The following RGL1 variants were observed in gnomAD, a reference collection of about 807,000 sequenced individuals.
RGL1 encodes ral guanine nucleotide dissociation stimulator like 1.
RGL1 carries 24 observed loss-of-function variants against 95.2 expected under a neutral mutation model. The observed-to-expected ratio is 0.25, with a 90% confidence interval of 0.18 to 0.35. RGL1 has a LOEUF of 0.35. RGL1 is among the 10% of genes least tolerant of loss of function. RGL1 has a pLI of 1.00. For missense variants in RGL1, 715 were observed against 936.3 expected (o/e 0.76, Z 3.08); for synonymous variants, 329 against 344.9 (o/e 0.95, Z 0.51).
chr1:183,837,068 A>G (rs1343184990), intron 2 of RGL1, among the ~76,000 whole-genome samples: 1 of 152,176 alleles, frequency 6.6e-6, no homozygotes, highest in African/African-American at 2.4e-5. Flanking sequence ...GTAAGAATCA[A>G]AAATTAATGA....
At chr1:183,820,659 A>G (rs970124349) in intron 2 of RGL1, among the ~76,000 whole-genome samples, 1 of 152,206 alleles carries the variant, frequency 6.6e-6, no homozygotes, top group Non-Finnish European at 1.5e-5. Flanking sequence ...ATATGTGCCT[A>G]TTGAGCACTT....
At chr1:183,711,494 C>A (rs1028188349) in intron 1 of RGL1, among the ~76,000 whole-genome samples, 1 of 152,118 alleles carries the variant, frequency 6.6e-6, no homozygotes, top group Non-Finnish European at 1.5e-5. Flanking sequence ...GAGAAGCACT[C>A]TAGAGAGGAG....
At chr1:183,693,178 T>C (rs1654061905) in intron 1 of RGL1, among the ~76,000 whole-genome samples, 4 of 152,058 alleles carry the variant, frequency 2.6e-5, no homozygotes, top group African/African-American at 7.2e-5. Flanking sequence ...ATGGTCTCAG[T>C]CTCCTGACCT....
chr1:183,899,232 A>C (rs995778299), intron 10 of RGL1, among the ~76,000 whole-genome samples: 2 of 152,222 alleles, frequency 1.3e-5, no homozygotes, highest in African/African-American at 4.8e-5. Context: ...ACACTGGCAT[A>C]ATACTATTAA....
At chr1:183,664,805 T>C (rs1263217171) in intron 1 of RGL1, among the ~76,000 whole-genome samples, 5 of 152,194 alleles carry the variant, frequency 3.3e-5, no homozygotes, top group Non-Finnish European at 7.4e-5. Context: ...TTTTGGATTG[T>C]CTACATAGAT....
intron 2 of RGL1, among the ~76,000 whole-genome samples, chr1:183,775,043 C>T (rs1659518543): frequency 6.6e-6 from 1 of 152,140 alleles, no homozygotes. Flanking sequence ...TACATTATTA[C>T]ATTTTTTCCT....
intron 4 of RGL1, among the ~76,000 whole-genome samples, chr1:183,875,800 A>G (rs1309772800): frequency 6.8e-6 from 1 of 147,190 alleles, no homozygotes; most frequent in Non-Finnish European, 1.5e-5. Flanking sequence ...AATCGCTTGA[A>G]CCTGGGAGGC....
At chr1:183,760,908 CTT>C (rs1357073567) in intron 2 of RGL1, among the ~76,000 whole-genome samples, 2 of 152,214 alleles carry the variant, frequency 1.3e-5, no homozygotes, top group Non-Finnish European at 2.9e-5. Context: ...AAACCACAGT[CTT>C]TGCTTATCTA....
intron 1 of RGL1, among the ~76,000 whole-genome samples, chr1:183,740,479 T>C (rs1053858726): frequency 6.6e-6 from 1 of 152,238 alleles, no homozygotes; most frequent in East Asian, 1.9e-4. Flanking sequence ...TTAAATCCGC[T>C]GACCCGTCAC....
In RGL1 at chr1:183,708,846, G is replaced by A. The variant is rs529387626; in HGVS notation, c.-32-33280G>A. On this transcript the variant is annotated intron_variant, in intron 1 of 18. Coordinates refer to the RGL1 transcript ENST00000304685. Reference sequence around the variant, plus strand: ...CTTTGTCCGGTTGCTGTGGACTACCGTCCAGGGTGGAAGGACACAAGGGAC... The same window carrying A: ...CTTTGTCCGGTTGCTGTGGACTACCATCCAGGGTGGAAGGACACAAGGGAC... Among the ~76,000 whole-genome samples the A allele has an allele frequency of 4.6e-5, 7 of 152,348 alleles. No individual in the cohort carries two copies. The East Asian group carries it at 5.8e-4, about 13-fold the overall frequency.
At chr1:183,710,154 G>A in intron 1 of RGL1, 1 of 211,422 alleles carries the variant, frequency 4.7e-6, no homozygotes, top group Non-Finnish European at 9.8e-6. Context: ...CTGGCTTGTT[G>A]CTCACGCTTC....
intron 3 of RGL1, among the ~76,000 whole-genome samples, chr1:183,852,727 C>T (rs1200708021): frequency 3.3e-5 from 5 of 152,080 alleles, no homozygotes; most frequent in African/African-American, 9.7e-5. Context: ...GCGGGAGAAT[C>T]GCTTGAACCT....
intron 1 of RGL1, among the ~76,000 whole-genome samples, chr1:183,685,219 T>C (rs1045465583): frequency 3.9e-5 from 6 of 152,198 alleles, no homozygotes; most frequent in African/African-American, 1.4e-4. Context: ...ATTTTGCTAA[T>C]AACAAAGATT....
At chr1:183,692,601 A>C (rs61811219) in intron 1 of RGL1, among the ~76,000 whole-genome samples, 1 of 152,236 alleles carries the variant, frequency 6.6e-6, no homozygotes, top group Non-Finnish European at 1.5e-5. Flanking sequence ...GCTTATTAAC[A>C]TAAATTTACT....
intron 2 of RGL1, among the ~76,000 whole-genome samples, chr1:183,818,039 A>G (rs1558225610): frequency 2.0e-5 from 3 of 152,194 alleles, no homozygotes; most frequent in South Asian, 2.1e-4. Context: ...TTCCTATCCA[A>G]TGTTGATCTA....
At chr1:183,878,923 T>C (rs1666671141) in intron 4 of RGL1, among the ~76,000 whole-genome samples, 1 of 152,238 alleles carries the variant, frequency 6.6e-6, no homozygotes, top group South Asian at 2.1e-4. Context: ...TAAGCAAGTA[T>C]AGTGGTGTTA....
chr1:183,880,276 G>T (rs779581904), intron 4 of RGL1, among the ~76,000 whole-genome samples: 23 of 152,168 alleles, frequency 1.5e-4, no homozygotes, highest in Non-Finnish European at 2.4e-4. Context: ...ATTGTGTACA[G>T]ATTGCTTTGA....
chr1:183,740,595 C>G lies in RGL1; in HGVS notation c.-32-1531C>G, dbSNP rs1286373368. On this transcript the variant is annotated intron_variant, in intron 1 of 18. Transcript: ENST00000304685. The stretch of plus-strand genomic sequence containing the variant: ...CAGACGTGATTCCTTGAAGACATTT[C>G]CATGAAAACCAGCCTGTTGTTAACG... 3.9e-5 allele frequency among the ~76,000 whole-genome samples: 6 copies of G among 152,176 alleles called. No individual in the cohort carries two copies. The South Asian group carries it at 6.2e-4, about 16-fold the overall frequency.
At chr1:183,669,223 C>T (rs1652271662) in intron 1 of RGL1, among the ~76,000 whole-genome samples, 1 of 152,084 alleles carries the variant, frequency 6.6e-6, no homozygotes, top group Admixed American at 6.6e-5. Flanking sequence ...ATTACATGGA[C>T]ATTTTTATTG....
Sources: allele counts gnomAD v4.1 joint callset (sites outside exome capture counted in the v4.1 genomes callset), GRCh38; gene constraint gnomAD v4.1.1; transcripts MANE v1.5; gene names NCBI Gene and HGNC (gene_info 2026-07-23, HGNC 2026-07-21).